The following AMPH variants were observed in gnomAD, a reference collection of about 807,000 sequenced individuals.
AMPH encodes the protein amphiphysin (Stiff-Mann syndrome with breast cancer 128kD autoantigen).
Under a neutral mutation model 99.1 loss-of-function variants are expected in AMPH, and 49 were observed. That is an observed-to-expected ratio of 0.49 (90% CI 0.39 to 0.63). AMPH has a LOEUF of 0.63. Ranked by LOEUF, AMPH falls within the 20% of genes least tolerant of loss-of-function variation. The pLI is 0.00. For missense variants in AMPH, 759 were observed against 863.4 expected, an observed-to-expected ratio of 0.88 and a Z score of 1.52; for synonymous variants, 314 against 317.3, an observed-to-expected ratio of 0.99 and a Z score of 0.11.
chr7:38,390,270 TAATA>T (rs1261993744), intron 19 of AMPH, among the ~76,000 whole-genome samples: 1 of 152,184 alleles, frequency 6.6e-6, no homozygotes, highest in Non-Finnish European at 1.5e-5. Context: ...TGTCAAATAA[TAATA>T]AGGAAAACCA....
chr7:38,421,159 T>A (rs1785568599), intron 16 of AMPH: 1 of 426,932 alleles, frequency 2.3e-6, no homozygotes, highest in Admixed American at 2.5e-5. Context: ...TGGAAGCTCC[T>A]AGGACCAGCC....
intron 2 of AMPH, among the ~76,000 whole-genome samples, chr7:38,506,712 TC>T (rs1358998235): frequency 6.6e-6 from 1 of 152,178 alleles, no homozygotes; most frequent in Admixed American, 6.5e-5. Flanking sequence ...GTCTGGAACA[TC>T]AATTTATTGA....
chr7:38,620,964 G>A (rs1329972081), intron 1 of AMPH, among the ~76,000 whole-genome samples: 1 of 152,140 alleles, frequency 6.6e-6, no homozygotes, highest in Non-Finnish European at 1.5e-5. Flanking sequence ...ACCCAATTAG[G>A]GTCCACTTTG....
At chr7:38,467,379 G>A (rs1319918689) in intron 7 of AMPH, among the ~76,000 whole-genome samples, 1 of 152,146 alleles carries the variant, frequency 6.6e-6, no homozygotes, top group African/African-American at 2.4e-5. Context: ...TATGCAGAGG[G>A]ACCCCACTCG....
At chr7:38,433,617 T>C (rs1329841626) in intron 12 of AMPH, among the ~76,000 whole-genome samples, 5 of 107,366 alleles carry the variant, frequency 4.7e-5, no homozygotes, top group Admixed American at 2.2e-4. Context: ...CCCAGCTACT[T>C]GGGAGGCTGA....
chr7:38,386,079 T>C (rs1194708378), intron 20 of AMPH, among the ~76,000 whole-genome samples: 1 of 152,062 alleles, frequency 6.6e-6, no homozygotes, highest in African/African-American at 2.4e-5. Flanking sequence ...GATGCTGCCA[T>C]ATAGACAAGA....
At chr7:38,572,475 T>C (rs1326994283) in intron 1 of AMPH, among the ~76,000 whole-genome samples, 1 of 152,186 alleles carries the variant, frequency 6.6e-6, no homozygotes, top group Non-Finnish European at 1.5e-5. Context: ...CTCATCATTA[T>C]GCCACACACG....
intron 1 of AMPH, among the ~76,000 whole-genome samples, chr7:38,580,135 A>T (rs1234533843): frequency 6.6e-6 from 1 of 152,196 alleles, no homozygotes. Flanking sequence ...CTAGGAAAAA[A>T]TGCTTAATTA....
chr7:38,459,554 C>A (rs951512727), intron 11 of AMPH, among the ~76,000 whole-genome samples: 44 of 152,004 alleles, frequency 2.9e-4, no homozygotes, highest in African/African-American at 9.9e-4. Context: ...ATTTTGACAG[C>A]CAACTCATTT....
chr7:38,461,486 G>C, intron 10 of AMPH, 75 bp from the exon 11 acceptor site: 10 of 1,564,752 alleles, frequency 6.4e-6, no homozygotes, highest in Non-Finnish European at 8.8e-6. Flanking sequence ...CACATGAACA[G>C]AGCTACATGG....
At chr7:38,521,246 T>G (rs947110041) in intron 2 of AMPH, among the ~76,000 whole-genome samples, 5 of 151,946 alleles carry the variant, frequency 3.3e-5, no homozygotes, top group Non-Finnish European at 5.9e-5. Flanking sequence ...GTGGGCCGGG[T>G]GTGGTGGCTC....
Position 38,422,492 on chromosome 7 carries a change from T to C in AMPH, c.1216-15A>G. On this transcript the variant is annotated splice_polypyrimidine_tract_variant and intron_variant, in intron 15 of 20. Transcript: ENST00000356264. ...GTATCCTGGGGCTGAAAATCAAGGA[T>C]AAAAATAGAAGATGTTTTTTAAAGA... The C allele has an allele frequency of 6.2e-7, 1 of 1,606,390 alleles. No individual in the cohort carries two copies. Among genetic ancestry groups the C allele is most frequent in the South Asian group, 1.1e-5 (1 of 90,850 alleles).
intron 3 of AMPH, among the ~76,000 whole-genome samples, chr7:38,502,550 AAGG>A (rs1221219359): frequency 2.0e-5 from 3 of 152,178 alleles, no homozygotes; most frequent in African/African-American, 7.2e-5. Context: ...GGGTTAAACG[AAGG>A]TTGCCAGGTG....
intron 2 of AMPH, among the ~76,000 whole-genome samples, chr7:38,514,273 T>A (rs570718421): frequency 7.9e-5 from 12 of 152,308 alleles, no homozygotes; most frequent in African/African-American, 2.9e-4. Flanking sequence ...CCATAGCAAA[T>A]TCATGCCTCA....
intron 1 of AMPH, among the ~76,000 whole-genome samples, chr7:38,624,598 G>C (rs1794181961): frequency 3.3e-5 from 5 of 149,966 alleles, no homozygotes; most frequent in Admixed American, 3.3e-4. Context: ...TTTAAATATT[G>C]TATAGAGGTC....
At chr7:38,559,213 C>CA (rs1202859560) in intron 1 of AMPH, among the ~76,000 whole-genome samples, 1 of 152,224 alleles carries the variant, frequency 6.6e-6, no homozygotes, top group East Asian at 1.9e-4. Context: ...ACTGAAATCA[C>CA]AACCAGTTAC....
At chr7:38,555,713 G>T (rs763925904) in intron 1 of AMPH, among the ~76,000 whole-genome samples, 5 of 152,144 alleles carry the variant, frequency 3.3e-5, no homozygotes, top group African/African-American at 1.2e-4. Flanking sequence ...AAATTAGATA[G>T]ATCTGAAGGC....
At chr7:38,409,590 T>C (rs569071342) in intron 17 of AMPH, among the ~76,000 whole-genome samples, 2 of 152,318 alleles carry the variant, frequency 1.3e-5, no homozygotes, top group Admixed American at 1.3e-4. Flanking sequence ...TGCGCTTTTT[T>C]TCTAATAAAG....
At position 38,534,956 on chromosome 7, in the gene AMPH, T is replaced by C; in HGVS notation, c.125A>G (p.Tyr42Cys). ...DETKDEQFEE[Y>C]VQNFKRQEAE... is the part of the protein sequence containing the mutation. ...TTCTTGCCGTTTGAAGTTCTGGACA[T>C]ATTCTTCGAACTGTTCGTCTTTTGT... Residue 42 changes from tyrosine to cysteine, a missense_variant, in exon 2 of 21, where the codon TAT becomes TGT. Physicochemically the swap from Tyr to Cys is radical, Grantham distance 194 (BLOSUM62 -2). Transcript: ENST00000356264. 10 of 1,614,160 alleles carry C rather than the reference T, an allele frequency of 6.2e-6. No homozygotes were observed. The highest frequency in any genetic ancestry group is 8.5e-6 in the Non-Finnish European group (10 of 1,180,012).
Sources: gnomAD v4.1 joint callset for allele counts (sites outside exome capture counted in the v4.1 genomes callset) on GRCh38, gnomAD v4.1.1 for gene constraint, MANE v1.5 for transcripts, NCBI Gene and HGNC (gene_info 2026-07-23, HGNC 2026-07-21) for gene names.